Variants in LRRC9 observed in about 807,000 individuals in gnomAD.
LRRC9 encodes the protein leucine rich repeat containing 9.
A neutral mutation model predicts 63.2 loss-of-function variants in LRRC9; 122 were observed. The observed-to-expected ratio is 1.93, with a 90% CI of 1.67 to 2.24. LRRC9 has a LOEUF of 2.24. LRRC9 is among the 30% of genes most tolerant of loss of function. The pLI, the probability that LRRC9 is intolerant of heterozygous loss-of-function variation, is 0.00. For missense variants in LRRC9, 1,071 were observed against 627.7 expected, an observed-to-expected ratio of 1.71 and a Z score of -7.55; for synonymous variants, 366 against 213.1, an observed-to-expected ratio of 1.72 and a Z score of -6.25.
At chr14:59,989,792 G>A (rs1026511576) in intron 17 of LRRC9, among the ~76,000 whole-genome samples, 1 of 152,014 alleles carries the variant, frequency 6.6e-6, no homozygotes, top group Non-Finnish European at 1.5e-5. Flanking sequence ...TTAAAATGAG[G>A]TAAGGTTCAG....
At chr14:59,992,535 A>C (rs1460788295) in intron 17 of LRRC9, among the ~76,000 whole-genome samples, 2 of 152,184 alleles carry the variant, frequency 1.3e-5, no homozygotes, top group Non-Finnish European at 2.9e-5. Context: ...AGTTCGAACC[A>C]ATGGCAAAGA....
At chr14:60,052,691 C>T (rs1893981723) in intron 29 of LRRC9, among the ~76,000 whole-genome samples, 2 of 152,190 alleles carry the variant, frequency 1.3e-5, no homozygotes, top group African/African-American at 2.4e-5. Flanking sequence ...AGAGATGGAT[C>T]ATGTAGTTCA....
At chr14:60,065,792 T>C (rs186002946), downstream of LRRC9, among the ~76,000 whole-genome samples, 1 of 150,868 alleles carries the variant, frequency 6.6e-6, no homozygotes, top group African/African-American at 2.4e-5. Flanking sequence ...CAAGCAAATG[T>C]ATGATTATAT....
intron 17 of LRRC9, among the ~76,000 whole-genome samples, chr14:59,987,624 G>T (rs1887628156): frequency 6.6e-6 from 1 of 151,596 alleles, no homozygotes; most frequent in Admixed American, 6.6e-5. Context: ...CCTGCAAATT[G>T]GCAAGTGGAT....
In LRRC9 at chr14:60,061,523, T is replaced by C. The variant is rs187954732; in HGVS notation, c.4277-1800T>C. Among the ~76,000 whole-genome samples the C allele has an allele frequency of 1.7e-3, 255 of 152,348 alleles. 3 individuals carry two copies. Among genetic ancestry groups the C allele is most frequent in the South Asian group, 0.012 (60 of 4,832 alleles). On this transcript the variant is annotated intron_variant, in intron 31 of 31. Coordinates refer to ENST00000445360, the Ensembl canonical transcript of LRRC9. ...CACTTAATAGACTACACTATAGTTG[T>C]AAACATAACTTTTATATGTCCTGGG...
chr14:60,017,518 A>ACT lies in LRRC9; in HGVS notation c.3317+728_3317+729insCT, dbSNP rs1291465476. On this transcript the variant is annotated intron_variant, in intron 24 of 31. Coordinates refer to ENST00000445360, the Ensembl canonical transcript of LRRC9. The surrounding 1 kb of genome is among the most constrained non-coding windows in gnomAD (Gnocchi z 4.0). ...TGAAATGCCATTACATTGGTATGAT[A>ACT]GAGATGCTAACTCTATCACAGCAAT... 6.6e-6 allele frequency among the ~76,000 whole-genome samples: 1 copy of ACT among 152,128 alleles called. No individual in the cohort carries two copies. Among genetic ancestry groups the ACT allele is most frequent in the Non-Finnish European group, 1.5e-5 (1 of 68,000 alleles).
rs779194356 is a variant in LRRC9, at chr14:60,027,244, T to C, written c.3704-640T>C. On this transcript the variant is annotated intron_variant, in intron 27 of 31. Transcript: ENST00000445360. The surrounding 1 kb of genome is among the most constrained non-coding windows in gnomAD (Gnocchi z 4.0). ...CCCCTGTAGTATTTTGAGACTCTAATAGAAAATACTGTACATATAAAAGCA... is the reference window on the plus strand; with the variant it reads ...CCCCTGTAGTATTTTGAGACTCTAACAGAAAATACTGTACATATAAAAGCA... Among the ~76,000 whole-genome samples the C allele has an allele frequency of 5.3e-5, 8 of 152,040 alleles. No homozygotes were observed. The highest frequency in any genetic ancestry group is 1.0e-4 in the Non-Finnish European group (7 of 67,964).
At chr14:60,056,696 A>G (rs557437305) in intron 30 of LRRC9, among the ~76,000 whole-genome samples, 4 of 152,272 alleles carry the variant, frequency 2.6e-5, no homozygotes, top group African/African-American at 9.6e-5. Context: ...GGGGTATTTC[A>G]AATCTTTATT....
At chr14:60,012,072 T>G (rs190527756) in intron 23 of LRRC9, among the ~76,000 whole-genome samples, 164 of 152,298 alleles carry the variant, frequency 1.1e-3, no homozygotes, top group Non-Finnish European at 1.8e-3. Flanking sequence ...GCTCTAATAC[T>G]TTCATTTATT....
intron 17 of LRRC9, among the ~76,000 whole-genome samples, chr14:59,992,574 G>T (rs746058703): frequency 6.6e-6 from 1 of 152,082 alleles, no homozygotes; most frequent in Non-Finnish European, 1.5e-5. Context: ...AAAATTAGAC[G>T]AATGGCTAAC....
In LRRC9 at chr14:59,962,026, T is replaced by C. The variant is rs551547093; in HGVS notation, c.1211+981T>C. On this transcript the variant is annotated intron_variant, in intron 10 of 31. Coordinates refer to ENST00000445360, the Ensembl canonical transcript of LRRC9. This position sits in a 1 kb window ranked among gnomAD's most constrained non-coding sequence, Gnocchi z 5.1. ...ATAGTGTAGAATGTAAAACTTACAC[T>C]AACTTTTTAGAAAAAAAAACTGTTA... Among the ~76,000 whole-genome samples, 16 of 152,238 alleles carry C rather than the reference T, an allele frequency of 1.1e-4. No homozygotes were observed. In the East Asian group the frequency reaches 3.1e-3, roughly 29 times the overall value.
In LRRC9 at chr14:60,022,733, G is replaced by C. The variant is rs1389747762; in HGVS notation, c.3567-1G>C. ...GCCTCAAACTTACCTATGTGTTTCA[G>C]AGATATAATGAGCAGTGAAAATTTG... On this transcript the variant is annotated splice_acceptor_variant, in intron 26 of 31. Transcript: ENST00000445360. LOFTEE classifies it high-confidence loss of function. 1 of 622,838 alleles carries C rather than the reference G, an allele frequency of 1.6e-6. No individual in the cohort carries two copies. The highest frequency in any genetic ancestry group is 2.4e-5 in the Admixed American group (1 of 42,174). 38.6% of individuals were successfully genotyped at this position (622,838 alleles called of 1,614,324 possible).
chr14:60,002,896 A>G (rs1889504681), intron 20 of LRRC9, among the ~76,000 whole-genome samples: 1 of 152,206 alleles, frequency 6.6e-6, no homozygotes, highest in Non-Finnish European at 1.5e-5. Flanking sequence ...GATCAAGCCA[A>G]AATTCAGACA....
At chr14:59,965,284 A>G (rs1037031079) in intron 10 of LRRC9, among the ~76,000 whole-genome samples, 3 of 152,050 alleles carry the variant, frequency 2.0e-5, no homozygotes, top group Non-Finnish European at 4.4e-5. Context: ...TTCAGATCAA[A>G]TATCTTAACG....
rs537585188 is a variant in LRRC9 at position 59,990,932 on chromosome 14, C to A, written c.2211+5708C>A. On this transcript the variant is annotated intron_variant, in intron 17 of 31. Transcript: ENST00000445360. The surrounding 1 kb of genome is among the most constrained non-coding windows in gnomAD (Gnocchi z 4.2). ...GTCTTGTGTTGATGGTGGTTTATCT[C>A]TACCAACTTCTTTTGGAGCCTATAG... is the stretch of plus-strand genomic sequence containing the variant. 6.6e-6 allele frequency among the ~76,000 whole-genome samples: 1 copy of A among 152,154 alleles called. No homozygotes were observed. The highest frequency in any genetic ancestry group is 2.4e-5 in the African/African-American group (1 of 41,422).
At chr14:60,063,873 G>T (rs192728820), downstream of LRRC9, among the ~76,000 whole-genome samples, 2 of 152,242 alleles carry the variant, frequency 1.3e-5, no homozygotes, top group African/African-American at 2.4e-5. Flanking sequence ...AGTTTTGCTA[G>T]TTGAACTACA....
chr14:59,925,013 C>A (rs1388439818), intron 1 of LRRC9, among the ~76,000 whole-genome samples: 1 of 151,974 alleles, frequency 6.6e-6, no homozygotes, highest in Non-Finnish European at 1.5e-5. Context: ...CCAGATTCCA[C>A]CTTATCATCT....
At chr14:59,970,693 C>CT (rs1033952165) in intron 12 of LRRC9, among the ~76,000 whole-genome samples, 21 of 152,204 alleles carry the variant, frequency 1.4e-4, no homozygotes, top group African/African-American at 4.8e-4. Flanking sequence ...TGATGATGAG[C>CT]TTTTTTTCTT....
chr14:60,035,685 T>A (rs1232286880), intron 29 of LRRC9, among the ~76,000 whole-genome samples: 1 of 152,224 alleles, frequency 6.6e-6, no homozygotes. Context: ...ATCTATTCTG[T>A]CACATTGGTC....
Sources: gnomAD v4.1 joint callset for allele counts (sites outside exome capture counted in the v4.1 genomes callset) on GRCh38, gnomAD v4.1.1 for gene constraint, Gnocchi (gnomAD v3.1) non-coding constraint, MANE v1.5 for transcripts, NCBI Gene and HGNC (gene_info 2026-07-23, HGNC 2026-07-21) for gene names.